SMYD1: variants seen among roughly 807,000 people sequenced by gnomAD.
SMYD1 encodes the protein histone-lysine N-methyltransferase SMYD1.
A neutral mutation model predicts 54.0 loss-of-function variants in SMYD1; 49 were observed. The observed-to-expected ratio is 0.91, with a 90% confidence interval of 0.72 to 1.15. The LOEUF (loss-of-function observed/expected upper bound fraction) is 1.15. Ranked by LOEUF, SMYD1 falls within the 50% of genes most tolerant of loss-of-function variation. The pLI is 0.00. For missense variants in SMYD1, 653 were observed against 639.6 expected (o/e 1.02, Z -0.23); for synonymous variants, 269 against 234.2 (o/e 1.15, Z -1.36).
At chr2:88,103,418 G>GA (rs563873905) in intron 7 of SMYD1, among the ~76,000 whole-genome samples, 348 of 152,258 alleles carry the variant, frequency 2.3e-3, no homozygotes, top group Non-Finnish European at 4.2e-3. Context: ...GTCCCTGGGG[G>GA]ATCTGTGATA....
intron 6 of SMYD1, among the ~76,000 whole-genome samples, chr2:88,102,460 G>A (rs1485849091): frequency 6.6e-6 from 1 of 152,084 alleles, no homozygotes. Flanking sequence ...ATATTCTCCT[G>A]TTATCCTTTT....
chr2:88,093,207 C>G (rs1281356565), intron 4 of SMYD1, among the ~76,000 whole-genome samples: 1 of 152,186 alleles, frequency 6.6e-6, no homozygotes, highest in Non-Finnish European at 1.5e-5. Context: ...TTCCAGCACT[C>G]TGCTTTTAAC....
At chr2:88,106,025 T>C (rs573466774) in intron 7 of SMYD1, among the ~76,000 whole-genome samples, 1 of 152,108 alleles carries the variant, frequency 6.6e-6, no homozygotes, top group Non-Finnish European at 1.5e-5. Flanking sequence ...TACATATATG[T>C]GTGTGTTTGT....
At chr2:88,080,876 T>A (rs905307383) in intron 1 of SMYD1, among the ~76,000 whole-genome samples, 3 of 151,916 alleles carry the variant, frequency 2.0e-5, no homozygotes, top group African/African-American at 7.2e-5. Flanking sequence ...ACAAAGGAGC[T>A]TTTGAGCTGA....
intron 1 of SMYD1, among the ~76,000 whole-genome samples, chr2:88,079,713 C>T (rs112568597): frequency 0.065 from 9,873 of 152,030 alleles, 368 homozygotes; most frequent in South Asian, 0.14. Context: ...CCCAGCTACT[C>T]GGGAGGCTGA....
Position 88,091,008 on chromosome 2 carries a change from G to T in SMYD1, c.529-4G>T. On this transcript the variant is annotated splice_polypyrimidine_tract_variant and splice_region_variant and intron_variant, in intron 3 of 9. Transcript: ENST00000419482. The stretch of plus-strand genomic sequence containing the variant: ...CTGACTCTTTCATCTTTTCCCCTGG[G>T]TAGATTAACTGCAACGGTTTTACTC... The T allele has an allele frequency of 6.2e-7, 1 of 1,612,084 alleles. No homozygotes were observed.
intron 1 of SMYD1, among the ~76,000 whole-genome samples, chr2:88,069,590 T>C (rs1214556638): frequency 2.6e-5 from 4 of 152,216 alleles, no homozygotes; most frequent in African/African-American, 7.2e-5. Flanking sequence ...CTCCATTTGC[T>C]GCTTCCAATT....
intron 4 of SMYD1, 144 bp from the exon 5 acceptor site, chr2:88,093,373 C>A: frequency 1.1e-6 from 1 of 910,862 alleles, no homozygotes; most frequent in Non-Finnish European, 1.8e-6. Context: ...CCAGTGAGTC[C>A]AGCTAGAAGG....
intron 7 of SMYD1, among the ~76,000 whole-genome samples, chr2:88,105,948 A>G (rs1322472064): frequency 6.6e-6 from 1 of 151,656 alleles, no homozygotes; most frequent in Non-Finnish European, 1.5e-5. Context: ...CGAAATATAT[A>G]TATATATTTG....
At chr2:88,068,099 A>C (rs1673871071) in intron 1 of SMYD1, 98 bp downstream of exon 1, 2 of 1,452,162 alleles carry the variant, frequency 1.4e-6, no homozygotes, top group African/African-American at 2.9e-5. Flanking sequence ...AAGGGATAAA[A>C]TTCATGTGCT....
At chr2:88,082,477 A>G (rs1053608874) in intron 1 of SMYD1, 5 of 153,422 alleles carry the variant, frequency 3.3e-5, no homozygotes, top group African/African-American at 1.2e-4. Flanking sequence ...CGGTGCCCTC[A>G]GCTGGCTCTG....
At chr2:88,090,649 G>A (rs866323596) in intron 3 of SMYD1, among the ~76,000 whole-genome samples, 8 of 151,960 alleles carry the variant, frequency 5.3e-5, no homozygotes, top group East Asian at 1.9e-4. Context: ...ACACACACAC[G>A]CCCACGCGCA....
chr2:88,086,210 AG>A (rs2103990973), intron 2 of SMYD1, among the ~76,000 whole-genome samples: 1 of 152,332 alleles, frequency 6.6e-6, no homozygotes, highest in South Asian at 2.1e-4. Context: ...AAAATGTACA[AG>A]GGATCTCTTT....
At position 88,110,661 on chromosome 2, in the gene SMYD1, G is replaced by A. The variant is rs1675001715; in HGVS notation, c.*149G>A. 9.7e-7 allele frequency: 1 copy of A among 1,027,998 alleles called. No individual in the cohort carries two copies. The highest frequency in any genetic ancestry group is 1.6e-5 in the African/African-American group (1 of 61,136). The allele number at this position is 1,027,998 out of a possible 1,614,324, so 63.7% of individuals were successfully genotyped here. ...AATTTACTGCCCTATGTTTCCCAGA[G>A]CCATTTTGGCTCAATTCAAGTCTAT... On this transcript the variant is annotated 3_prime_UTR_variant, in exon 10 of 10. Transcript: ENST00000419482.
chr2:88,077,030 A>G (rs1440432086), intron 1 of SMYD1, among the ~76,000 whole-genome samples: 2 of 149,820 alleles, frequency 1.3e-5, no homozygotes, highest in Admixed American at 6.6e-5. Context: ...AAAAAAAAAG[A>G]CACTTCCCTC....
At chr2:88,090,010 G>A (rs1674428852) in intron 3 of SMYD1, among the ~76,000 whole-genome samples, 1 of 152,182 alleles carries the variant, frequency 6.6e-6, no homozygotes, top group African/African-American at 2.4e-5. Context: ...AATTACCAAA[G>A]GTTAGAGCTG....
rs765248967 is a variant in SMYD1 at position 88,108,554 on chromosome 2, G to C, written c.1314+15G>C. ...AGGACTTAGAGGCAAGTAGCGTCTT[G>C]AGGCTGGTGTTCCCTTCCTGGCCTG... On this transcript the variant is annotated intron_variant, in intron 9 of 9. Transcript: ENST00000419482. 6.4e-7 allele frequency: 1 copy of C among 1,565,544 alleles called. No individual in the cohort carries two copies. The highest frequency in any genetic ancestry group is 8.7e-7 in the Non-Finnish European group (1 of 1,154,656).
intron 8 of SMYD1, 24 bp from the exon 9 acceptor site, chr2:88,108,347 T>C: frequency 6.5e-7 from 1 of 1,543,760 alleles, no homozygotes; most frequent in Non-Finnish European, 8.7e-7. Context: ...GTATGATGTA[T>C]AATTATCTGC....
At chr2:88,088,583 A>T (rs1674393336) in intron 3 of SMYD1, among the ~76,000 whole-genome samples, 1 of 152,174 alleles carries the variant, frequency 6.6e-6, no homozygotes, top group Non-Finnish European at 1.5e-5. Flanking sequence ...TCCCACATAC[A>T]AATTTTACTT....
Sources: allele counts gnomAD v4.1 joint callset (sites outside exome capture counted in the v4.1 genomes callset), GRCh38; gene constraint gnomAD v4.1.1; transcripts MANE v1.5; gene names NCBI Gene and HGNC (gene_info 2026-07-23, HGNC 2026-07-21).